TRIP12: variants seen among roughly 807,000 people sequenced by gnomAD.
TRIP12 encodes the protein E3 ubiquitin-protein ligase TRIP12.
A neutral mutation model predicts 244.2 loss-of-function variants in TRIP12; 25 were observed. The observed-to-expected ratio is 0.10, with a 90% CI of 0.07 to 0.14. The LOEUF (loss-of-function observed/expected upper bound fraction) is 0.14. Among genes scored for constraint, TRIP12 ranks in the 10% least tolerant of loss-of-function variants. The pLI is 1.00. For missense variants in TRIP12, 1,677 were observed against 2,486.4 expected (o/e 0.67, Z 6.92); for synonymous variants, 905 against 873.1 (o/e 1.04, Z -0.64).
chr2:229,871,329 T>C (rs2062564338), intron 2 of TRIP12, among the ~76,000 whole-genome samples: 1 of 152,224 alleles, frequency 6.6e-6, no homozygotes, highest in African/African-American at 2.4e-5. Flanking sequence ...ATTAGTAATA[T>C]GGTTTATATG....
chr2:229,770,194 T>G (rs897105191), intron 39 of TRIP12, among the ~76,000 whole-genome samples: 2 of 152,144 alleles, frequency 1.3e-5, no homozygotes, highest in Non-Finnish European at 2.9e-5. Flanking sequence ...ATCTTAAATT[T>G]CCGAGCTCAA....
intron 2 of TRIP12, among the ~76,000 whole-genome samples, chr2:229,871,051 G>A (rs529654018): frequency 2.0e-5 from 3 of 152,074 alleles, no homozygotes; most frequent in South Asian, 2.1e-4. Flanking sequence ...CCAGCTACTC[G>A]GGAGGCTGAG....
intron 4 of TRIP12, among the ~76,000 whole-genome samples, chr2:229,841,960 T>C (rs2056515906): frequency 6.6e-6 from 1 of 152,232 alleles, no homozygotes; most frequent in Admixed American, 6.5e-5. Flanking sequence ...CTTCAGTTCA[T>C]TCAACTTGGG....
chr2:229,855,956 C>T (rs1179789053), intron 4 of TRIP12, among the ~76,000 whole-genome samples: 2 of 151,482 alleles, frequency 1.3e-5, no homozygotes, highest in Non-Finnish European at 1.5e-5. Flanking sequence ...GAGAATTGCC[C>T]GAACCTGGGA....
intron 23 of TRIP12, 39 bp from the exon 24 acceptor site, chr2:229,797,870 A>G (rs2043198309): frequency 6.3e-7 from 1 of 1,599,384 alleles, no homozygotes. Context: ...GTCCCAGTGT[A>G]TGTAGAAAGG....
rs2055016679 is a variant in TRIP12 at position 229,837,064 on chromosome 2, A to G, written c.1134-80T>C. 7 of 1,333,736 alleles carry G rather than the reference A, an allele frequency of 5.2e-6. No homozygotes were observed. In the South Asian group the frequency reaches 1.6e-4, roughly 31 times the overall value. The allele number at this position is 1,333,736 out of a possible 1,614,324, so 82.6% of individuals were successfully genotyped here. ...TATACACAACACAAAGCTCAAATTC[A>G]TGGAGCACAAAGCCAGTTTCTTCTT... On this transcript the variant is annotated intron_variant, in intron 5 of 41. Transcript: ENST00000675903.
rs542771719 is a variant in TRIP12, at chr2:229,792,122, C to A, written c.4215+31G>T. 6.8e-6 allele frequency: 11 copies of A among 1,613,950 alleles called. No homozygotes were observed. In the South Asian group the frequency reaches 9.9e-5, roughly 14 times the overall value. On this transcript the variant is annotated intron_variant, in intron 28 of 41. Coordinates refer to ENST00000675903, the MANE Select transcript of TRIP12 (RefSeq NM_001348323.3). Reference sequence around the variant, plus strand: ...CAAAGGCCCTGAACTTTATATAGTACATTATACATGGTGGGAATATAGTAC... The same window carrying A: ...CAAAGGCCCTGAACTTTATATAGTAAATTATACATGGTGGGAATATAGTAC...
rs772999847 is a variant in TRIP12 at position 229,805,871 on chromosome 2, C to T, written c.2509G>A (p.Val837Ile). 1.3e-6 allele frequency: 2 copies of T among 1,564,482 alleles called. No individual in the cohort carries two copies. The highest frequency in any genetic ancestry group is 2.3e-5 in the South Asian group (2 of 86,578). The change falls in exon 18 of 42, where the codon GTC becomes ATC. Residue 837 changes from valine (V) to isoleucine (I), a missense_variant. This residue lies in a region of TRIP12 where 572 missense variants were observed against 867.8 expected (regional missense o/e 0.66). Coordinates refer to ENST00000675903, the MANE Select transcript of TRIP12 (RefSeq NM_001348323.3). ...DSRIIEAAHQ[V>I]GEDEISLSTL... Reference sequence around the variant, plus strand: ...GACAAGCTTATCTCATCCTCACCGACCTGATGGGCTGCCTGAGAGCAAAGA... The same window carrying T: ...GACAAGCTTATCTCATCCTCACCGATCTGATGGGCTGCCTGAGAGCAAAGA...
At chr2:229,904,036 AAAAAAT>A (rs1024260086) in intron 1 of TRIP12, among the ~76,000 whole-genome samples, 19 of 151,994 alleles carry the variant, frequency 1.3e-4, no homozygotes, top group African/African-American at 4.3e-4. Context: ...ACCCTGTATC[AAAAAAT>A]AAAAATAAAA....
intron 1 of TRIP12, among the ~76,000 whole-genome samples, chr2:229,885,332 T>C: frequency 6.6e-6 from 1 of 152,292 alleles, no homozygotes; most frequent in East Asian, 1.9e-4. Flanking sequence ...TAAACACAAT[T>C]TGCAAGGTAC....
At chr2:229,863,537 A>C (rs2060826372) in intron 2 of TRIP12, among the ~76,000 whole-genome samples, 1 of 152,182 alleles carries the variant, frequency 6.6e-6, no homozygotes, top group Admixed American at 6.5e-5. Context: ...ATTTACAAAA[A>C]CAGGCAGTGA....
intron 8 of TRIP12, among the ~76,000 whole-genome samples, chr2:229,826,345 C>T (rs999315220): frequency 2.6e-5 from 4 of 151,996 alleles, no homozygotes; most frequent in Non-Finnish European, 4.4e-5. Flanking sequence ...GATAAAGGCT[C>T]GAAACTCAAT....
rs779717672 is a variant in TRIP12 at position 229,792,236 on chromosome 2, C to CA, written c.4142-11dup. 115 of 1,612,232 alleles carry CA rather than the reference C, an allele frequency of 7.1e-5. No homozygotes were observed. In the African/African-American group the frequency reaches 1.4e-3, roughly 20 times the overall value. ...CTTACTCTTCCATACCCTGAAGACCCAAGTAGACTTTTAAACTCTTAGCGA... is the reference window on the plus strand; with the variant it reads ...CTTACTCTTCCATACCCTGAAGACCCAAAGTAGACTTTTAAACTCTTAGCGA... On this transcript the variant is annotated splice_polypyrimidine_tract_variant and intron_variant, in intron 27 of 41. Coordinates refer to ENST00000675903, the MANE Select transcript of TRIP12 (RefSeq NM_001348323.3).
intron 30 of TRIP12, 49 bp downstream of exon 30, chr2:229,791,075 G>C (rs1164977860): frequency 6.9e-6 from 11 of 1,598,644 alleles, no homozygotes; most frequent in Non-Finnish European, 9.4e-6. Flanking sequence ...ATGAAAATGG[G>C]AAGATTGCCC....
intron 39 of TRIP12, 145 bp from the exon 40 acceptor site, chr2:229,769,470 ATAATAAT>A: frequency 5.7e-6 from 2 of 347,870 alleles, no homozygotes; most frequent in Non-Finnish European, 1.0e-5. Context: ...AAAAAAAAAA[ATAATAAT>A]AAAATAAAAT....
chr2:229,868,908 C>T (rs1212615788), intron 2 of TRIP12, among the ~76,000 whole-genome samples: 14 of 152,288 alleles, frequency 9.2e-5, no homozygotes, highest in Admixed American at 8.5e-4. Flanking sequence ...ACTTGTCCAA[C>T]CACTTGGAAG....
At position 229,791,024 on chromosome 2, in the gene TRIP12, C is replaced by A. The variant is rs560899855; in HGVS notation, c.4543+100G>T. ...ATGTCATTTATTTCTCAACTATATT[C>A]AAAAATTTTACTACTAAATCCAAAT... On this transcript the variant is annotated intron_variant, in intron 30 of 41. Coordinates refer to ENST00000675903, the MANE Select transcript of TRIP12 (RefSeq NM_001348323.3). The A allele has an allele frequency of 2.8e-4, 415 of 1,464,852 alleles. 1 individual carries two copies. In the African/African-American group the frequency reaches 3.2e-3, roughly 11 times the overall value. The allele number at this position is 1,464,852 out of a possible 1,614,324, so 90.7% of individuals were successfully genotyped here.
chr2:229,898,417 T>C (rs1248469357), intron 1 of TRIP12, among the ~76,000 whole-genome samples: 3 of 152,254 alleles, frequency 2.0e-5, no homozygotes, highest in Admixed American at 6.5e-5. Flanking sequence ...AACCCCAGAA[T>C]TATAGCAAGA....
chr2:229,804,378 A>C (rs370686867), intron 18 of TRIP12, 151 bp from the exon 19 acceptor site: 3 of 661,776 alleles, frequency 4.5e-6, no homozygotes, highest in East Asian at 2.8e-5. Context: ...TGATATGATC[A>C]ACTAGGATTT....
Sources: gnomAD v4.1 joint callset for allele counts (sites outside exome capture counted in the v4.1 genomes callset) on GRCh38, gnomAD v4.1.1 for gene constraint, gnomAD v4.1.1 regional missense constraint, MANE v1.5 for transcripts, NCBI Gene and HGNC (gene_info 2026-07-23, HGNC 2026-07-21) for gene names.